SYNDIG1: variants seen among roughly 807,000 people sequenced by gnomAD.
SYNDIG1 encodes synapse differentiation-inducing gene protein 1.
Under a neutral mutation model 19.4 loss-of-function variants are expected in SYNDIG1, and 9 were observed. The observed-to-expected ratio is 0.46, with a 90% CI of 0.28 to 0.81. The LOEUF is 0.81. Ranked by LOEUF, SYNDIG1 falls within the 30% of genes least tolerant of loss-of-function variation. SYNDIG1 has a pLI of 0.12. For missense variants in SYNDIG1, 311 were observed against 343.3 expected (o/e 0.91, Z 0.74); for synonymous variants, 141 against 145.9 (o/e 0.97, Z 0.24).
intron 1 of SYNDIG1, among the ~76,000 whole-genome samples, chr20:24,482,198 TTTG>T (rs926697238): frequency 7.9e-5 from 12 of 152,202 alleles, no homozygotes; most frequent in East Asian, 1.9e-4. Context: ...TTTTTTGGTT[TTTG>T]TTGTTGTTGT....
chr20:24,584,966 C>G lies in SYNDIG1; in HGVS notation c.591C>G (p.Gly197=), dbSNP rs773346005. 2 of 1,613,472 alleles carry G rather than the reference C, an allele frequency of 1.2e-6. No homozygotes were observed. Among genetic ancestry groups the G allele is most frequent in the Non-Finnish European group, 1.7e-6 (2 of 1,179,904 alleles). ...TGCTCTGCTGCTTCTGGCCTCTGGG[C>G]ATCGCAGCCTTCTACTTGTCCCATG... ...FSMLCCFWPL[G]IAAFYLSHET... The change falls in exon 3 of 4, where the codon GGC becomes GGG. Residue 197 remains glycine (G), a synonymous_variant. Transcript: ENST00000376862.
At chr20:24,642,989 C>T (rs921421061) in intron 3 of SYNDIG1, among the ~76,000 whole-genome samples, 9 of 152,122 alleles carry the variant, frequency 5.9e-5, no homozygotes, top group Admixed American at 2.0e-4. Context: ...ACTGCAATTA[C>T]TTTTGCACGA....
intron 2 of SYNDIG1, among the ~76,000 whole-genome samples, chr20:24,546,550 C>T (rs544293428): frequency 3.5e-4 from 53 of 152,200 alleles, no homozygotes; most frequent in Non-Finnish European, 7.1e-4. Context: ...AGCTGTCACC[C>T]ATCCTGTCCC....
At chr20:24,626,519 G>C (rs2059138751) in intron 3 of SYNDIG1, among the ~76,000 whole-genome samples, 1 of 151,956 alleles carries the variant, frequency 6.6e-6, no homozygotes, top group Admixed American at 6.5e-5. Context: ...AGATGGAATG[G>C]CGGCCGGGAA....
At chr20:24,505,329 A>G (rs1045424912) in intron 1 of SYNDIG1, among the ~76,000 whole-genome samples, 2 of 152,154 alleles carry the variant, frequency 1.3e-5, no homozygotes, top group Non-Finnish European at 2.9e-5. Context: ...CCAGGGTGTC[A>G]TATTTGTCTG....
intron 1 of SYNDIG1, among the ~76,000 whole-genome samples, chr20:24,535,934 A>G (rs182440182): frequency 2.0e-5 from 3 of 152,282 alleles, no homozygotes; most frequent in African/African-American, 7.2e-5. Context: ...TTCCTCATTG[A>G]TGGAGAGTTC....
At chr20:24,505,181 C>T (rs1415277966) in intron 1 of SYNDIG1, among the ~76,000 whole-genome samples, 1 of 152,088 alleles carries the variant, frequency 6.6e-6, no homozygotes, top group Non-Finnish European at 1.5e-5. Context: ...CCGCGGGCTA[C>T]AGGGAGATGA....
intron 3 of SYNDIG1, 130 bp downstream of exon 3, chr20:24,585,123 GC>G: frequency 8.0e-7 from 1 of 1,247,074 alleles, no homozygotes; most frequent in Non-Finnish European, 1.1e-6. Context: ...GTCGGCACTT[GC>G]CCAGTTGGAG....
intron 3 of SYNDIG1, among the ~76,000 whole-genome samples, chr20:24,596,529 C>G (rs2058597685): frequency 6.6e-6 from 1 of 152,122 alleles, no homozygotes; most frequent in Non-Finnish European, 1.5e-5. Context: ...CAGGCTCCCA[C>G]CATCATGCCT....
intron 3 of SYNDIG1, among the ~76,000 whole-genome samples, chr20:24,659,256 G>A (rs2059560533): frequency 6.6e-6 from 1 of 152,210 alleles, no homozygotes. Flanking sequence ...CTTGTGGATT[G>A]CATAAAGCCA....
chr20:24,470,152 GC>G (rs1336595701), intron 1 of SYNDIG1, among the ~76,000 whole-genome samples: 1 of 152,214 alleles, frequency 6.6e-6, no homozygotes, highest in African/African-American at 2.4e-5. Flanking sequence ...GCCCAGCAGG[GC>G]CATGAGGGCG....
intron 1 of SYNDIG1, among the ~76,000 whole-genome samples, chr20:24,540,555 T>A (rs1322788586): frequency 6.6e-6 from 1 of 152,230 alleles, no homozygotes; most frequent in Non-Finnish European, 1.5e-5. Flanking sequence ...CTATTCCTAG[T>A]TTGTTTCATG....
chr20:24,479,414 C>T (rs2055731880), intron 1 of SYNDIG1, among the ~76,000 whole-genome samples: 1 of 152,186 alleles, frequency 6.6e-6, no homozygotes, highest in Non-Finnish European at 1.5e-5. Flanking sequence ...TAGATATTTT[C>T]CTGTCCCTAC....
intron 2 of SYNDIG1, among the ~76,000 whole-genome samples, chr20:24,563,003 C>T (rs547517728): frequency 2.5e-3 from 374 of 152,270 alleles, no homozygotes; most frequent in African/African-American, 8.7e-3. Flanking sequence ...CAGTTTTGAA[C>T]AAATAGTAGT....
chr20:24,636,939 G>A (rs550663592), intron 3 of SYNDIG1, among the ~76,000 whole-genome samples: 20 of 152,320 alleles, frequency 1.3e-4, no homozygotes, highest in African/African-American at 4.1e-4. Context: ...TGCCTGGGGC[G>A]CAGTAGGAAA....
At chr20:24,473,995 G>A (rs1257220943) in intron 1 of SYNDIG1, among the ~76,000 whole-genome samples, 2 of 152,190 alleles carry the variant, frequency 1.3e-5, no homozygotes, top group African/African-American at 4.8e-5. Flanking sequence ...GTGAGGACTG[G>A]GACAGTGTGT....
intron 2 of SYNDIG1, among the ~76,000 whole-genome samples, chr20:24,569,921 C>A (rs984008398): frequency 1.3e-5 from 2 of 152,162 alleles, no homozygotes; most frequent in South Asian, 2.1e-4. Flanking sequence ...CTATATAATT[C>A]TTTTAAGTGT....
intron 2 of SYNDIG1, among the ~76,000 whole-genome samples, chr20:24,549,325 C>CTCCTGACTTATTTCATTTAACATAATG (rs1417333797): frequency 6.6e-6 from 1 of 152,130 alleles, no homozygotes; most frequent in Non-Finnish European, 1.5e-5. Flanking sequence ...TTAACTTTCC[C>CTCCTGACTTATTTCATTTAACATAATG]TCCTGACTTA....
chr20:24,585,036 A>AC, intron 3 of SYNDIG1, 43 bp downstream of exon 3: 1 of 570,130 alleles, frequency 1.8e-6, no homozygotes, highest in Non-Finnish European at 3.0e-6. Context: ...GCAGGTGTTC[A>AC]CAGGGTGGGG....
Sources: gnomAD v4.1 joint callset for allele counts (sites outside exome capture counted in the v4.1 genomes callset) on GRCh38, gnomAD v4.1.1 for gene constraint, MANE v1.5 for transcripts, NCBI Gene and HGNC (gene_info 2026-07-23, HGNC 2026-07-21) for gene names.